SRRM4: variants seen among roughly 807,000 people sequenced by gnomAD.
SRRM4 encodes the protein serine/arginine repetitive matrix protein 4.
A neutral mutation model predicts 68.9 loss-of-function variants in SRRM4; 33 were observed. That is an observed-to-expected ratio of 0.48 (90% CI 0.36 to 0.64). The LOEUF is 0.64. Ranked by LOEUF, SRRM4 falls within the 30% of genes least tolerant of loss-of-function variation. SRRM4 has a pLI of 0.00. For missense variants in SRRM4, 817 were observed against 827.1 expected (o/e 0.99, Z 0.15); for synonymous variants, 318 against 318.8 (o/e 1.00, Z 0.03).
chr12:119,161,324 G>A lies in SRRM4; in HGVS notation c.*4526G>A, dbSNP rs73213438. The A allele has an allele frequency of 0.14, 20,849 of 152,196 alleles. 1,654 individuals are homozygous for A. The highest frequency in any genetic ancestry group is 0.19 in the Middle Eastern group (57 of 294). 9.4% of individuals were successfully genotyped at this position (152,196 alleles called of 1,614,324 possible). A position where few individuals can be genotyped will look rare whatever the true frequency, so the allele number is the denominator to read the frequency against. On this transcript the variant is annotated 3_prime_UTR_variant, in exon 13 of 13. Transcript: ENST00000267260. ...GCCTCCTCCCGCACTGGCCAGCCGA[G>A]TCCAGCTGAGAAACTTATGCTAGAT...
chr12:119,046,620 C>A (rs1376646399), intron 1 of SRRM4, among the ~76,000 whole-genome samples: 3 of 152,124 alleles, frequency 2.0e-5, no homozygotes, highest in African/African-American at 7.2e-5. Flanking sequence ...GCAGCAAAAC[C>A]AGAATCAGAA....
intron 6 of SRRM4, among the ~76,000 whole-genome samples, chr12:119,123,687 A>G (rs942140821): frequency 6.6e-6 from 1 of 152,254 alleles, no homozygotes; most frequent in Non-Finnish European, 1.5e-5. Flanking sequence ...TGAGGATTCA[A>G]GATAAACGAT....
At chr12:119,136,730 G>A (rs1473094695) in intron 8 of SRRM4, among the ~76,000 whole-genome samples, 2 of 152,090 alleles carry the variant, frequency 1.3e-5, no homozygotes, top group East Asian at 1.9e-4. Context: ...GTATCTAACT[G>A]GGTCCCGGTG....
In SRRM4 at chr12:119,154,341, G is replaced by A. The variant is rs1954459392; in HGVS notation, c.1490G>A (p.Arg497Gln). The A allele has an allele frequency of 5.0e-6, 8 of 1,613,252 alleles. No individual in the cohort carries two copies. The highest frequency in any genetic ancestry group is 2.2e-5 in the East Asian group (1 of 44,842). ...RRSYSPMRKR[R>Q]RDSPSHLEAR... Reference sequence around the variant, plus strand: ...TCCTACTCGCCTATGAGAAAGCGCCGGAGAGACTCCCCGAGCCACCTGGAG... The same window carrying A: ...TCCTACTCGCCTATGAGAAAGCGCCAGAGAGACTCCCCGAGCCACCTGGAG... The change falls in exon 12 of 13, where the codon CGG becomes CAG. Residue 497 changes from arginine to glutamine, a missense_variant. Transcript: ENST00000267260. This position sits in a 1 kb window ranked among gnomAD's most constrained non-coding sequence, Gnocchi z 4.7.
At chr12:119,108,407 C>T (rs1267288512) in intron 2 of SRRM4, among the ~76,000 whole-genome samples, 1 of 152,108 alleles carries the variant, frequency 6.6e-6, no homozygotes, top group Non-Finnish European at 1.5e-5. Context: ...CTAATGTTGA[C>T]AGTGGGGTGT....
intron 2 of SRRM4, among the ~76,000 whole-genome samples, chr12:119,102,775 G>C (rs1366574484): frequency 6.6e-6 from 1 of 152,142 alleles, no homozygotes; most frequent in Non-Finnish European, 1.5e-5. Context: ...CCAAATCATA[G>C]TTTCAGCCCA....
chr12:119,108,496 C>T (rs1430552628), intron 2 of SRRM4, among the ~76,000 whole-genome samples: 1 of 152,162 alleles, frequency 6.6e-6, no homozygotes, highest in Non-Finnish European at 1.5e-5. Context: ...AATCTGGGTG[C>T]TCCTGTATTG....
At chr12:119,125,244 T>C in intron 6 of SRRM4, 137 bp from the exon 7 acceptor site, 1 of 734,722 alleles carries the variant, frequency 1.4e-6, no homozygotes, top group Non-Finnish European at 2.3e-6. Flanking sequence ...CGCATGGGGT[T>C]GAGGGAGATG....
chr12:119,097,677 C>T (rs1814728520), intron 1 of SRRM4, among the ~76,000 whole-genome samples: 1 of 152,190 alleles, frequency 6.6e-6, no homozygotes, highest in Non-Finnish European at 1.5e-5. Context: ...TCTTTCCTCA[C>T]CAAATCATCT....
rs1185403544 is a variant in SRRM4, at chr12:119,156,788, C to T, written c.1826C>T (p.Thr609Met). Residue 609 changes from threonine to methionine, a missense_variant, in exon 13 of 13, where the codon ACG (threonine) becomes ATG (methionine). Coordinates refer to ENST00000267260, the MANE Select transcript of SRRM4 (RefSeq NM_194286.4). ...AGCTCAGCAGACAGCTACTCCAGCA[C>T]GAGGCGCTAAGTGCCCCTGAGCCAG... ...SYSSADSYSS[T>M]RR The T allele has an allele frequency of 4.6e-6, 7 of 1,532,734 alleles. No homozygotes were observed. The highest frequency in any genetic ancestry group is 1.2e-5 in the South Asian group (1 of 82,738). 94.9% of individuals were successfully genotyped at this position (1,532,734 alleles called of 1,614,324 possible). A position where few individuals can be genotyped will look rare whatever the true frequency, so the allele number is the denominator to read the frequency against.
chr12:119,039,848 AAG>A (rs59219951), intron 1 of SRRM4, among the ~76,000 whole-genome samples: 62 of 148,188 alleles, frequency 4.2e-4, no homozygotes, highest in Non-Finnish European at 4.7e-4. Context: ...GACGTGGCTG[AAG>A]AGAGAGAGAG....
chr12:119,012,632 C>G (rs1953457561), intron 1 of SRRM4, among the ~76,000 whole-genome samples: 1 of 152,206 alleles, frequency 6.6e-6, no homozygotes, highest in Admixed American at 6.5e-5. Context: ...GTCCCGCTCT[C>G]TTTCTTCAAG....
chr12:119,042,080 A>G (rs1419564624), intron 1 of SRRM4, among the ~76,000 whole-genome samples: 1 of 152,156 alleles, frequency 6.6e-6, no homozygotes, highest in Non-Finnish European at 1.5e-5. Flanking sequence ...CGCGGATGAC[A>G]AGAGTCTTAG....
At position 119,102,303 on chromosome 12, in the gene SRRM4, C is replaced by G. The variant is rs574984677; in HGVS notation, c.199C>G (p.Leu67Val). Residue 67 changes from leucine to valine, a missense_variant, in exon 2 of 13, where the codon CTG (leucine) becomes GTG (valine). Leu to Val is a conservative substitution (Grantham distance 32). Transcript: ENST00000267260. ...ACCCTCAGAAAAGCTGGGTCAGCAT[C>G]TGGCCACCGAGCCCTTGGGCACCAA... ...DGPSEKLGQH[L>V]ATEPLGTNSW... is the part of the protein sequence containing the mutation. The G allele has an allele frequency of 3.7e-6, 6 of 1,613,770 alleles. No individual in the cohort carries two copies. The highest frequency in any genetic ancestry group is 4.2e-6 in the Non-Finnish European group (5 of 1,179,830).
chr12:119,118,133 C>T (rs1237656923), intron 4 of SRRM4, among the ~76,000 whole-genome samples: 1 of 152,178 alleles, frequency 6.6e-6, no homozygotes, highest in African/African-American at 2.4e-5. Flanking sequence ...AGACAGAGTG[C>T]TCCAGTTGGC....
Position 119,121,999 on chromosome 12 carries a change from G to A in SRRM4, c.465-71G>A, listed in dbSNP as rs946850958. The A allele has an allele frequency of 3.1e-6, 3 of 972,534 alleles. No individual in the cohort carries two copies. The African/African-American group carries it at 4.8e-5, about 16-fold the overall frequency. The allele number at this position is 972,534 out of a possible 1,614,324, so 60.2% of individuals were successfully genotyped here. A position where few individuals can be genotyped will look rare whatever the true frequency, so the allele number is the denominator to read the frequency against. ...GCCTGGATCTCACACTGTGTGTTAA[G>A]CATTTTAACTACTTGTTTATCTTTA... On this transcript the variant is annotated intron_variant, in intron 5 of 12. Coordinates refer to ENST00000267260, the MANE Select transcript of SRRM4 (RefSeq NM_194286.4).
intron 1 of SRRM4, among the ~76,000 whole-genome samples, chr12:119,029,179 A>G (rs950418452): frequency 1.3e-5 from 2 of 152,190 alleles, no homozygotes; most frequent in African/African-American, 2.4e-5. Context: ...CATGGCTTAC[A>G]TATACTCCCA....
chr12:119,058,172 T>C (rs61937981), intron 1 of SRRM4, among the ~76,000 whole-genome samples: 8,171 of 152,316 alleles, frequency 0.054, 300 homozygotes, highest in Middle Eastern at 0.16. Context: ...TTATATGAAA[T>C]TTATTCTATA....
At chr12:119,039,247 G>GAC (rs2136010549) in intron 1 of SRRM4, among the ~76,000 whole-genome samples, 1 of 152,270 alleles carries the variant, frequency 6.6e-6, no homozygotes, top group African/African-American at 2.4e-5. Flanking sequence ...AGTCAGGGTT[G>GAC]ACACACTGCG....
Sources: allele counts gnomAD v4.1 joint callset (sites outside exome capture counted in the v4.1 genomes callset), GRCh38; gene constraint gnomAD v4.1.1; non-coding constraint Gnocchi (gnomAD v3.1); transcripts MANE v1.5; gene names NCBI Gene and HGNC (gene_info 2026-07-23, HGNC 2026-07-21).